APOBEC3H: variants seen among roughly 807,000 people sequenced by gnomAD.
APOBEC3H encodes the protein DNA dC->dU-editing enzyme APOBEC-3H.
In APOBEC3H, 8 loss-of-function variants were observed where a neutral mutation model predicts 21.2. The observed-to-expected ratio is 0.38, with a 90% confidence interval of 0.22 to 0.68. APOBEC3H has a LOEUF of 0.68. Among genes scored for constraint, APOBEC3H ranks in the 30% least tolerant of loss-of-function variants. The pLI is 0.52. For synonymous variants in APOBEC3H, 88 were observed against 91.0 expected, an observed-to-expected ratio of 0.97 and a Z score of 0.19; for missense variants, 229 against 228.1, an observed-to-expected ratio of 1.00 and a Z score of -0.03.
At chr22:39,103,090 C>T (rs1929467858) in intron 4 of APOBEC3H, among the ~76,000 whole-genome samples, 1 of 151,892 alleles carries the variant, frequency 6.6e-6, no homozygotes, top group Non-Finnish European at 1.5e-5. Context: ...AGTTCAAAGA[C>T]CAGCCTGGGC....
intron 4 of APOBEC3H, chr22:39,102,398 C>T: frequency 1.5e-6 from 1 of 685,228 alleles, no homozygotes; most frequent in Non-Finnish European, 2.7e-6. Context: ...GACCTGCCTT[C>T]CTTGGCCTCC....
Position 39,098,071 on chromosome 22 carries a change from GC to G in APOBEC3H, c.-8+731del, listed in dbSNP as rs1489709039. ...GCTGGCAGGGCTGGCCAGGAAAGTGGCCCAGCTCCATGGCCTGGGCAGGTTA... is the reference window on the plus strand; with the variant it reads ...GCTGGCAGGGCTGGCCAGGAAAGTGGCCAGCTCCATGGCCTGGGCAGGTTA... On this transcript the variant is annotated intron_variant, in intron 1 of 4. Transcript: ENST00000442487. Among the ~76,000 whole-genome samples the G allele has an allele frequency of 3.9e-5, 6 of 152,308 alleles. No homozygotes were observed. The East Asian group carries it at 1.2e-3, about 29-fold the overall frequency.
chr22:39,099,507 G>A (rs77582628), intron 1 of APOBEC3H, among the ~76,000 whole-genome samples: 20,590 of 152,134 alleles, frequency 0.14, 1,894 homozygotes, highest in African/African-American at 0.26. Context: ...ACCTCAAGGA[G>A]GGGGTGTCCA....
intron 2 of APOBEC3H, 142 bp downstream of exon 2, chr22:39,100,570 C>A (rs1601536352): frequency 3.3e-6 from 4 of 1,213,392 alleles, no homozygotes; most frequent in Non-Finnish European, 4.5e-6. Flanking sequence ...TTGGTGCCTG[C>A]CTGGGTTTTG....
chr22:39,103,302 C>T (rs1929477945), intron 4 of APOBEC3H, among the ~76,000 whole-genome samples: 1 of 152,018 alleles, frequency 6.6e-6, no homozygotes, highest in African/African-American at 2.4e-5. Flanking sequence ...ATAATAATAA[C>T]CCAAGATGAA....
chr22:39,098,101 C>A (rs1929104784), intron 1 of APOBEC3H, among the ~76,000 whole-genome samples: 1 of 152,202 alleles, frequency 6.6e-6, no homozygotes, highest in African/African-American at 2.4e-5. Context: ...CAGGTTACCC[C>A]ACCTCTCTGC....
intron 1 of APOBEC3H, among the ~76,000 whole-genome samples, chr22:39,098,253 G>C (rs1929114344): frequency 6.6e-6 from 1 of 152,182 alleles, no homozygotes; most frequent in African/African-American, 2.4e-5. Context: ...GTTTCGTTTT[G>C]TTTTTTTGAG....
In APOBEC3H at chr22:39,101,475, A is replaced by C. The variant is rs1929328008; in HGVS notation, c.389A>C (p.Gln130Pro). The part of the protein sequence containing the change: ...QKGLRLLCGS[Q>P]VPVEVMGFPE... ...GGGCTGCGGCTTCTGTGTGGATCCC[A>C]GGTCCCGGTGGAGGTCATGGGCTTC... Residue 130 changes from glutamine (Q) to proline (P), a missense_variant, in exon 3 of 5, where the codon CAG becomes CCG. Coordinates refer to ENST00000442487, the MANE Select transcript of APOBEC3H (RefSeq NM_181773.5). 1.3e-6 allele frequency: 2 copies of C among 1,585,476 alleles called. No individual in the cohort carries two copies. Among genetic ancestry groups the C allele is most frequent in the Non-Finnish European group, 1.7e-6 (2 of 1,165,602 alleles).
chr22:39,103,419 A>C (rs865894421), intron 4 of APOBEC3H, among the ~76,000 whole-genome samples: 1 of 152,262 alleles, frequency 6.6e-6, no homozygotes, highest in African/African-American at 2.4e-5. Context: ...TTTATGATTA[A>C]ATTCTGAAAA....
At chr22:39,101,715 G>T in intron 3 of APOBEC3H, among the ~76,000 whole-genome samples, 2 of 128,886 alleles carry the variant, frequency 1.6e-5, no homozygotes, top group Admixed American at 7.6e-5. Flanking sequence ...GGGGGTGGCG[G>T]GGAGCGGGGG....
chr22:39,099,549 G>T (rs1362991062), intron 1 of APOBEC3H, among the ~76,000 whole-genome samples: 2 of 152,210 alleles, frequency 1.3e-5, no homozygotes, highest in African/African-American at 2.4e-5. Context: ...CTGGGACTCA[G>T]GCCAGAGGCG....
At position 39,101,480 on chromosome 22, in the gene APOBEC3H, C is replaced by A. The variant is rs755818698; in HGVS notation, c.394C>A (p.Pro132Thr). The A allele has an allele frequency of 4.4e-6, 7 of 1,608,992 alleles. No homozygotes were observed. The highest frequency in any genetic ancestry group is 5.9e-6 in the Non-Finnish European group (7 of 1,178,784). ...GCGGCTTCTGTGTGGATCCCAGGTCCCGGTGGAGGTCATGGGCTTCCCAGG... is the reference window on the plus strand; with the variant it reads ...GCGGCTTCTGTGTGGATCCCAGGTCACGGTGGAGGTCATGGGCTTCCCAGG... ...GLRLLCGSQV[P>T]VEVMGFPEFA... Residue 132 changes from proline (P) to threonine (T), a missense_variant, in exon 3 of 5, where the codon CCG (proline) becomes ACG (threonine). By Grantham distance (38) the Pro-to-Thr change is conservative (BLOSUM62 -1). Coordinates refer to ENST00000442487, the MANE Select transcript of APOBEC3H (RefSeq NM_181773.5).
intron 3 of APOBEC3H, 108 bp from the exon 4 acceptor site, chr22:39,101,810 A>G: frequency 6.4e-7 from 1 of 1,552,442 alleles, no homozygotes; most frequent in Non-Finnish European, 8.9e-7. Context: ...TTCCCCAGAC[A>G]GAGCAATGTC....
intron 4 of APOBEC3H, chr22:39,102,443 C>T (rs1929421706): frequency 4.2e-6 from 3 of 715,126 alleles, no homozygotes; most frequent in Admixed American, 4.0e-5. Context: ...AGCCACCGTG[C>T]CCCGCCCCAC....
chr22:39,100,846 G>C (rs985744786), intron 2 of APOBEC3H, among the ~76,000 whole-genome samples: 13 of 142,014 alleles, frequency 9.2e-5, no homozygotes, highest in African/African-American at 3.4e-4. Flanking sequence ...CCCCCGCCCC[G>C]GCTCTCACCT....
intron 2 of APOBEC3H, among the ~76,000 whole-genome samples, chr22:39,100,763 G>T (rs894533171): frequency 6.6e-6 from 1 of 152,154 alleles, no homozygotes; most frequent in African/African-American, 2.4e-5. Flanking sequence ...CGGTCCGAGT[G>T]CAACTCCATC....
chr22:39,099,464 G>T (rs1929176268), intron 1 of APOBEC3H, among the ~76,000 whole-genome samples: 1 of 151,998 alleles, frequency 6.6e-6, no homozygotes, highest in Admixed American at 6.5e-5. Context: ...AAGGGTTCTG[G>T]TATTGGACAT....
chr22:39,097,976 T>C (rs1929097523), intron 1 of APOBEC3H, among the ~76,000 whole-genome samples: 1 of 152,210 alleles, frequency 6.6e-6, no homozygotes, highest in Non-Finnish European at 1.5e-5. Flanking sequence ...GAAATGCTTT[T>C]ATTTTAAAAT....
At chr22:39,101,167 C>A in intron 2 of APOBEC3H, 70 bp from the exon 3 acceptor site, 1 of 1,051,276 alleles carries the variant, frequency 9.5e-7, no homozygotes, top group East Asian at 2.9e-5. Context: ...TCCCGGCCCC[C>A]GCCCCCAGTC....
Sources: gnomAD v4.1 joint callset for allele counts (sites outside exome capture counted in the v4.1 genomes callset) on GRCh38, gnomAD v4.1.1 for gene constraint, MANE v1.5 for transcripts, NCBI Gene and HGNC (gene_info 2026-07-23, HGNC 2026-07-21) for gene names.